Variants in CA10 observed in about 807,000 individuals in gnomAD.
CA10 encodes carbonic anhydrase 10 (inactive), also known as carbonic anhydrase-related protein 10.
CA10 carries 14 observed loss-of-function variants against 44.2 expected under a neutral mutation model. The observed-to-expected ratio is 0.32, with a 90% CI of 0.21 to 0.50. CA10 has a LOEUF of 0.50. CA10 is among the 20% of genes least tolerant of loss of function. The pLI, the probability that CA10 is intolerant of heterozygous loss-of-function variation, is 0.99. For missense variants in CA10, 350 were observed against 409.7 expected (o/e 0.85, Z 1.26); for synonymous variants, 159 against 141.6 (o/e 1.12, Z -0.87).
intron 4 of CA10, among the ~76,000 whole-genome samples, chr17:51,729,843 T>A (rs983333727): frequency 1.2e-4 from 19 of 152,198 alleles, no homozygotes; most frequent in Non-Finnish European, 2.4e-4. Flanking sequence ...GGCAAGTCAA[T>A]CCATGTGGTC....
chr17:51,997,564 A>G (rs934108050), intron 2 of CA10, among the ~76,000 whole-genome samples: 2 of 152,092 alleles, frequency 1.3e-5, no homozygotes, highest in Admixed American at 6.6e-5. Context: ...AAAGAAGGAA[A>G]AAAGTACTTT....
chr17:51,653,419 C>T (rs1294100868), intron 5 of CA10, among the ~76,000 whole-genome samples: 1 of 152,190 alleles, frequency 6.6e-6, no homozygotes. Flanking sequence ...CTGCTTGAAT[C>T]CTCAGGCCCA....
chr17:51,926,958 C>T (rs114509813), intron 3 of CA10, among the ~76,000 whole-genome samples: 349 of 152,230 alleles, frequency 2.3e-3, no homozygotes, highest in African/African-American at 7.8e-3. Context: ...TTAGAACATA[C>T]GTATTTTTCA....
intron 3 of CA10, among the ~76,000 whole-genome samples, chr17:51,872,904 C>T (rs945317424): frequency 3.9e-5 from 6 of 152,160 alleles, no homozygotes; most frequent in Non-Finnish European, 7.3e-5. Context: ...CCAAAAGCAC[C>T]TAAGTGGCTT....
intron 1 of CA10, among the ~76,000 whole-genome samples, chr17:52,107,114 C>T (rs1217966507): frequency 6.6e-6 from 1 of 152,150 alleles, no homozygotes; most frequent in Non-Finnish European, 1.5e-5. Context: ...CCTACCCTCT[C>T]ATCTATGAAA....
intron 3 of CA10, among the ~76,000 whole-genome samples, chr17:51,889,393 G>A (rs1377224593): frequency 6.6e-6 from 1 of 152,072 alleles, no homozygotes; most frequent in African/African-American, 2.4e-5. Flanking sequence ...GTGTTGGGGT[G>A]AACACCCATA....
chr17:51,721,127 T>G (rs1018739523), intron 4 of CA10, among the ~76,000 whole-genome samples: 1 of 151,930 alleles, frequency 6.6e-6, no homozygotes, highest in African/African-American at 2.4e-5. Context: ...GTCAGGAGTT[T>G]GAGACCAGCC....
intron 3 of CA10, among the ~76,000 whole-genome samples, chr17:51,922,509 T>C: frequency 6.6e-6 from 1 of 152,220 alleles, no homozygotes; most frequent in South Asian, 2.1e-4. Context: ...TGTGAAACCA[T>C]TGACAAATGA....
chr17:51,836,323 T>C (rs1908475532), intron 3 of CA10, among the ~76,000 whole-genome samples: 1 of 152,242 alleles, frequency 6.6e-6, no homozygotes, highest in African/African-American at 2.4e-5. Context: ...CTTGTGATCT[T>C]TCTTCCAAAG....
At chr17:52,013,729 C>T (rs1412283365) in intron 2 of CA10, among the ~76,000 whole-genome samples, 1 of 151,908 alleles carries the variant, frequency 6.6e-6, no homozygotes, top group South Asian at 2.1e-4. Context: ...GAGTTACTTA[C>T]ATATTCAGAA....
intron 2 of CA10, among the ~76,000 whole-genome samples, chr17:52,005,226 T>G (rs1434017535): frequency 2.6e-5 from 4 of 151,918 alleles, no homozygotes; most frequent in African/African-American, 9.7e-5. Flanking sequence ...ATAAAATCAT[T>G]TAAAAATCTA....
At chr17:51,952,145 A>C (rs2144035031) in intron 2 of CA10, among the ~76,000 whole-genome samples, 1 of 152,224 alleles carries the variant, frequency 6.6e-6, no homozygotes, top group South Asian at 2.1e-4. Flanking sequence ...GTAAGATATA[A>C]TTTTCTTTCA....
chr17:51,901,280 G>T (rs2143930919), intron 3 of CA10, among the ~76,000 whole-genome samples: 1 of 152,196 alleles, frequency 6.6e-6, no homozygotes, highest in Middle Eastern at 3.4e-3. Context: ...ATTTTAGGGG[G>T]CAAAGGCTCA....
intron 1 of CA10, among the ~76,000 whole-genome samples, chr17:52,116,465 T>C (rs906093012): frequency 1.3e-5 from 2 of 152,016 alleles, no homozygotes; most frequent in Non-Finnish European, 2.9e-5. Context: ...AGTTCATGGG[T>C]AAGAGCAGAT....
At chr17:51,950,859 C>T (rs1463799656) in intron 2 of CA10, among the ~76,000 whole-genome samples, 4 of 152,006 alleles carry the variant, frequency 2.6e-5, no homozygotes, top group South Asian at 2.1e-4. Context: ...AATAGCCGAG[C>T]GCAGAGATTT....
At chr17:52,106,963 G>A (rs1047605652) in intron 1 of CA10, among the ~76,000 whole-genome samples, 2 of 152,134 alleles carry the variant, frequency 1.3e-5, no homozygotes, top group African/African-American at 4.8e-5. Flanking sequence ...TGAGTACGGT[G>A]GGGAGACTCC....
intron 1 of CA10, among the ~76,000 whole-genome samples, chr17:52,110,079 C>T (rs552217091): frequency 7.9e-5 from 12 of 152,234 alleles, no homozygotes; most frequent in Admixed American, 2.0e-4. Context: ...GACTAGACAC[C>T]GGCATGAGTC....
chr17:51,875,844 C>A (rs1432334125), intron 3 of CA10, among the ~76,000 whole-genome samples: 1 of 152,172 alleles, frequency 6.6e-6, no homozygotes, highest in Non-Finnish European at 1.5e-5. Flanking sequence ...ACTTCTTACT[C>A]CTGGAGACCG....
At chr17:51,677,814 A>G (rs1299597651) in intron 4 of CA10, among the ~76,000 whole-genome samples, 1 of 152,014 alleles carries the variant, frequency 6.6e-6, no homozygotes, top group East Asian at 1.9e-4. Context: ...AAGCACTCAA[A>G]ACAATTTGGT....
Sources: allele counts gnomAD v4.1 joint callset (sites outside exome capture counted in the v4.1 genomes callset), GRCh38; gene constraint gnomAD v4.1.1; transcripts MANE v1.5; gene names NCBI Gene and HGNC (gene_info 2026-07-23, HGNC 2026-07-21).